The following PPHLN1 variants were observed in gnomAD, a reference collection of about 807,000 sequenced individuals.
PPHLN1 encodes periphilin 1, also known as periphilin-1.
PPHLN1 carries 29 observed loss-of-function variants against 51.3 expected under a neutral mutation model. The observed-to-expected ratio is 0.57, with a 90% CI of 0.42 to 0.77. The LOEUF is 0.77. PPHLN1 is among the 30% of genes least tolerant of loss of function. The probability of loss-of-function intolerance (pLI) is 0.00; values close to 1 mark genes in which losing one functional copy is unlikely to be tolerated. For missense variants in PPHLN1, 436 were observed against 438.4 expected, an observed-to-expected ratio of 0.99 and a Z score of 0.05; for synonymous variants, 147 against 147.8, an observed-to-expected ratio of 0.99 and a Z score of 0.04.
intron 5 of PPHLN1, among the ~76,000 whole-genome samples, chr12:42,381,077 T>A (rs2076719921): frequency 4.6e-5 from 7 of 152,204 alleles, no homozygotes; most frequent in Admixed American, 4.6e-4. Context: ...ATGAGTTACA[T>A]CATATGGAGT....
At chr12:42,354,097 A>G (rs572863026) in intron 3 of PPHLN1, among the ~76,000 whole-genome samples, 1 of 152,324 alleles carries the variant, frequency 6.6e-6, no homozygotes, top group Admixed American at 6.5e-5. Flanking sequence ...ATGGAAAATG[A>G]TTATATTTTA....
intron 7 of PPHLN1, among the ~76,000 whole-genome samples, chr12:42,391,607 G>A (rs1319440790): frequency 6.6e-6 from 1 of 151,910 alleles, no homozygotes; most frequent in Non-Finnish European, 1.5e-5. Flanking sequence ...CTCTTAAATA[G>A]GTATGCCCCC....
intron 4 of PPHLN1, among the ~76,000 whole-genome samples, chr12:42,371,654 C>T (rs2075816452): frequency 1.3e-5 from 2 of 152,222 alleles, no homozygotes; most frequent in South Asian, 4.1e-4. Context: ...AGCTACTAAC[C>T]GCATGTACCT....
rs138021185 is a variant in PPHLN1, at chr12:42,331,193, T to C, written c.-20-4690T>C. 2.4e-4 allele frequency among the ~76,000 whole-genome samples: 37 copies of C among 152,364 alleles called. No homozygotes were observed. The East Asian group carries it at 6.4e-3, about 26-fold the overall frequency. On this transcript the variant is annotated intron_variant, in intron 1 of 9. Coordinates refer to ENST00000358314, the MANE Select transcript of PPHLN1 (RefSeq NM_201439.2). ...TGACTTTGCTGTTCAGTAACTCTAG[T>C]TGGCTATCAATAGTTGTTGAAAGAA...
chr12:42,359,121 A>G (rs570260682), intron 4 of PPHLN1: 8 of 152,140 alleles, frequency 5.3e-5, no homozygotes, highest in Non-Finnish European at 8.8e-5. Context: ...ACTGTATTCT[A>G]ATTATTCTGT....
chr12:42,328,269 T>C (rs77721341), intron 1 of PPHLN1, among the ~76,000 whole-genome samples: 1,794 of 152,306 alleles, frequency 0.012, 40 homozygotes, highest in African/African-American at 0.041. Context: ...GAAACAGGCA[T>C]AATTATATGC....
At chr12:42,415,202 T>C (rs777962594) in intron 9 of PPHLN1, among the ~76,000 whole-genome samples, 10 of 152,188 alleles carry the variant, frequency 6.6e-5, no homozygotes, top group Non-Finnish European at 1.3e-4. Flanking sequence ...GACGTAGTCT[T>C]GCTCTGTCGC....
intron 1 of PPHLN1, among the ~76,000 whole-genome samples, chr12:42,330,198 G>A (rs2069485440): frequency 6.6e-6 from 1 of 152,192 alleles, no homozygotes; most frequent in South Asian, 2.1e-4. Flanking sequence ...CCAGCCACAG[G>A]GTGGTTTTCT....
chr12:42,422,823 T>C (rs1669935), intron 9 of PPHLN1, among the ~76,000 whole-genome samples: 45,895 of 152,044 alleles, frequency 0.3, 7,862 homozygotes, highest in Non-Finnish European at 0.38. Flanking sequence ...CCCAAATTAT[T>C]TGCAAACAAA....
chr12:42,338,175 C>A (rs2070974991), intron 2 of PPHLN1, among the ~76,000 whole-genome samples: 1 of 152,174 alleles, frequency 6.6e-6, no homozygotes, highest in Non-Finnish European at 1.5e-5. Flanking sequence ...GATCTGTCCA[C>A]CTTGGCCTCT....
intron 2 of PPHLN1, among the ~76,000 whole-genome samples, chr12:42,348,192 C>G (rs2072653596): frequency 6.6e-6 from 1 of 151,652 alleles, no homozygotes; most frequent in South Asian, 2.1e-4. Flanking sequence ...CTCACTGCAG[C>G]CTCTACCTCC....
At chr12:42,389,329 C>T (rs542796499) in intron 7 of PPHLN1, among the ~76,000 whole-genome samples, 74 of 152,104 alleles carry the variant, frequency 4.9e-4, no homozygotes, top group Admixed American at 3.4e-3. Flanking sequence ...GCCGAGATCA[C>T]GCCACTGCAC....
At position 42,387,495 on chromosome 12, in the gene PPHLN1, A is replaced by G; in HGVS notation, c.608A>G (p.Asp203Gly). Residue 203 changes from aspartate (D) to glycine (G), a missense_variant, in exon 7 of 10, where the codon GAT becomes GGT. Coordinates refer to ENST00000358314, the MANE Select transcript of PPHLN1 (RefSeq NM_201439.2). ...RPVQSLKTSR[D>G]TSPSSGSAVS... The stretch of plus-strand genomic sequence containing the variant: ...GTCCAGTCTTTGAAAACATCAAGAG[A>G]TACTTCACCCTCAAGTGGTTCAGCA... The G allele has an allele frequency of 6.2e-7, 1 of 1,613,656 alleles. No homozygotes were observed. Among genetic ancestry groups the G allele is most frequent in the Non-Finnish European group, 8.5e-7 (1 of 1,179,856 alleles).
chr12:42,419,454 G>C (rs1191362404), intron 9 of PPHLN1, among the ~76,000 whole-genome samples: 1 of 152,104 alleles, frequency 6.6e-6, no homozygotes, highest in Non-Finnish European at 1.5e-5. Flanking sequence ...AGCTGGTCTT[G>C]AACTCCTGAC....
At chr12:42,382,227 T>A (rs1222109102) in intron 5 of PPHLN1, among the ~76,000 whole-genome samples, 1 of 152,202 alleles carries the variant, frequency 6.6e-6, no homozygotes, top group Non-Finnish European at 1.5e-5. Flanking sequence ...CTGAGTGTGT[T>A]GTGTAATGTT....
downstream of PPHLN1, chr12:42,445,183 A>T (rs755045102): frequency 4.3e-6 from 3 of 699,450 alleles, no homozygotes; most frequent in Non-Finnish European, 7.8e-6. Context: ...TCACTGCCTG[A>T]CCCACTGGCT....
intron 9 of PPHLN1, among the ~76,000 whole-genome samples, chr12:42,414,844 G>A (rs1033482832): frequency 2.4e-4 from 36 of 152,152 alleles, no homozygotes; most frequent in African/African-American, 8.4e-4. Context: ...TTCATTTCTA[G>A]AAGTTCAATT....
downstream of PPHLN1, chr12:42,446,662 T>C: frequency 6.3e-7 from 1 of 1,584,272 alleles, no homozygotes; most frequent in Non-Finnish European, 8.6e-7. Context: ...TCTGTACTCG[T>C]CAATCAACAA....
chr12:42,438,665 G>A (rs749501459), intron 9 of PPHLN1, among the ~76,000 whole-genome samples: 113 of 152,068 alleles, frequency 7.4e-4, no homozygotes, highest in Non-Finnish European at 1.3e-3. Context: ...GCAGTGGCAC[G>A]ATCTCAGCTC....
Sources: gnomAD v4.1 joint callset for allele counts (sites outside exome capture counted in the v4.1 genomes callset) on GRCh38, gnomAD v4.1.1 for gene constraint, MANE v1.5 for transcripts, NCBI Gene and HGNC (gene_info 2026-07-23, HGNC 2026-07-21) for gene names.